Variants in GPC6 observed in about 807,000 individuals in gnomAD.
GPC6 encodes the protein glypican-6.
Under a neutral mutation model 55.2 loss-of-function variants are expected in GPC6, and 14 were observed. That is an observed-to-expected ratio of 0.25 (90% CI 0.17 to 0.40). The LOEUF (loss-of-function observed/expected upper bound fraction) is 0.40. GPC6 is among the 10% of genes least tolerant of loss of function. The probability of loss-of-function intolerance (pLI) is 1.00; values close to 1 mark genes in which losing one functional copy is unlikely to be tolerated. For synonymous variants in GPC6, 278 were observed against 259.6 expected (o/e 1.07, Z -0.68); for missense variants, 641 against 708.5 (o/e 0.90, Z 1.08).
At chr13:93,543,252 A>G (rs1402127701) in intron 1 of GPC6, among the ~76,000 whole-genome samples, 1 of 152,162 alleles carries the variant, frequency 6.6e-6, no homozygotes, top group African/African-American at 2.4e-5. Flanking sequence ...GAATTTTGTC[A>G]AAGGCCTTTT....
chr13:93,801,823 TC>T (rs1886381423), intron 2 of GPC6, among the ~76,000 whole-genome samples: 1 of 152,194 alleles, frequency 6.6e-6, no homozygotes. Context: ...CAGCTTCATT[TC>T]CCTGACTTCC....
chr13:94,083,436 A>G (rs1885179562), intron 4 of GPC6, among the ~76,000 whole-genome samples: 2 of 152,292 alleles, frequency 1.3e-5, no homozygotes, highest in South Asian at 2.1e-4. Flanking sequence ...CTTTTTTAAT[A>G]GCACTTATCT....
At chr13:94,049,455 C>G (rs1041058738) in intron 4 of GPC6, among the ~76,000 whole-genome samples, 1 of 152,008 alleles carries the variant, frequency 6.6e-6, no homozygotes, top group African/African-American at 2.4e-5. Flanking sequence ...CCTCAGATAC[C>G]TGGGACCTGG....
chr13:94,384,225 A>G (rs1880302738), intron 7 of GPC6, among the ~76,000 whole-genome samples: 1 of 152,274 alleles, frequency 6.6e-6, no homozygotes, highest in Non-Finnish European at 1.5e-5. Flanking sequence ...TAGTTATGAT[A>G]TTAACAACAT....
chr13:94,032,008 A>G (rs1208744501), intron 4 of GPC6, among the ~76,000 whole-genome samples: 17 of 152,190 alleles, frequency 1.1e-4, no homozygotes, highest in Admixed American at 1.1e-3. Context: ...TTTCTAAAAG[A>G]TGTTGCCAAT....
intron 1 of GPC6, among the ~76,000 whole-genome samples, chr13:93,241,934 G>A (rs1876444965): frequency 6.6e-6 from 1 of 151,800 alleles, no homozygotes; most frequent in African/African-American, 2.4e-5. Flanking sequence ...TAAGTTCCTT[G>A]GTTATACAGA....
rs547905348 is a variant in GPC6 at position 93,335,965 on chromosome 13, A to C, written c.160+108349A>C. ...CAAAACATATAATACAGTGCCTTGC[A>C]CTTAATGTGTGCTTACAAAATGTTA... is the stretch of plus-strand genomic sequence containing the variant. On this transcript the variant is annotated intron_variant, in intron 1 of 8. Coordinates refer to ENST00000377047, the MANE Select transcript of GPC6 (RefSeq NM_005708.5). Among the ~76,000 whole-genome samples, 11 of 152,358 alleles carry C rather than the reference A, an allele frequency of 7.2e-5. No individual in the cohort carries two copies. In the East Asian group the frequency reaches 2.1e-3, roughly 29 times the overall value.
intron 4 of GPC6, among the ~76,000 whole-genome samples, chr13:94,272,890 C>T (rs1892090297): frequency 1.3e-5 from 2 of 152,018 alleles, no homozygotes; most frequent in African/African-American, 2.4e-5. Flanking sequence ...CCACACATGC[C>T]CAGCCACATC....
chr13:93,548,724 A>G (rs562125366), intron 2 of GPC6, among the ~76,000 whole-genome samples: 8 of 152,228 alleles, frequency 5.3e-5, no homozygotes, highest in African/African-American at 1.9e-4. Context: ...CAACCTTCCT[A>G]AGTTTCTATG....
intron 4 of GPC6, among the ~76,000 whole-genome samples, chr13:94,120,232 C>T (rs936723471): frequency 7.9e-5 from 12 of 152,086 alleles, no homozygotes; most frequent in East Asian, 1.9e-4. Context: ...GTAGAAGGAT[C>T]GCAGTGCTGT....
chr13:94,330,115 A>T (rs537036408), intron 6 of GPC6, among the ~76,000 whole-genome samples: 2 of 152,196 alleles, frequency 1.3e-5, no homozygotes, highest in Admixed American at 6.5e-5. Flanking sequence ...ATCAGGACTG[A>T]TAACTCCCTG....
intron 1 of GPC6, among the ~76,000 whole-genome samples, chr13:93,327,375 C>T (rs180907008): frequency 2.6e-4 from 40 of 152,242 alleles, no homozygotes; most frequent in African/African-American, 8.4e-4. Context: ...GTCGAATATA[C>T]TGTATGAATA....
At chr13:93,441,868 C>A (rs1365634004) in intron 1 of GPC6, among the ~76,000 whole-genome samples, 1 of 152,092 alleles carries the variant, frequency 6.6e-6, no homozygotes, top group East Asian at 1.9e-4. Flanking sequence ...GACAGGGAGG[C>A]AATTTTAAGG....
intron 4 of GPC6, among the ~76,000 whole-genome samples, chr13:94,222,891 A>C (rs1336940658): frequency 6.6e-6 from 1 of 152,064 alleles, no homozygotes; most frequent in East Asian, 1.9e-4. Context: ...TCACCATCTT[A>C]GTTATTGCCA....
chr13:93,566,952 T>A (rs1876154730), intron 2 of GPC6, among the ~76,000 whole-genome samples: 1 of 152,176 alleles, frequency 6.6e-6, no homozygotes, highest in Non-Finnish European at 1.5e-5. Flanking sequence ...ATTTTCTTTA[T>A]CCAGTCTATC....
chr13:94,055,091 T>C (rs1369403959), intron 4 of GPC6, among the ~76,000 whole-genome samples: 2 of 152,174 alleles, frequency 1.3e-5, no homozygotes, highest in Non-Finnish European at 2.9e-5. Context: ...GTTTGGATAT[T>C]GTCGTCTGAC....
Position 94,270,964 on chromosome 13 carries a change from A to ATT in GPC6, c.878-15345_878-15344dup, listed in dbSNP as rs764819082. Among the ~76,000 whole-genome samples the ATT allele has an allele frequency of 3.8e-4, 19 of 49,672 alleles. 1 individual carries two copies. Among genetic ancestry groups the ATT allele is most frequent in the East Asian group, 6.5e-4 (1 of 1,536 alleles). 32.6% of individuals were successfully genotyped at this position (49,672 alleles called of 152,430 possible). Reference sequence around the variant, plus strand: ...AAAGGACCAGAGACAGAGAAGTATAATTTTTTTTTTTTTTTTTTTTTTTTT... The same window carrying ATT: ...AAAGGACCAGAGACAGAGAAGTATAATTTTTTTTTTTTTTTTTTTTTTTTTTT... On this transcript the variant is annotated intron_variant, in intron 4 of 8. Coordinates refer to ENST00000377047, the MANE Select transcript of GPC6 (RefSeq NM_005708.5).
intron 1 of GPC6, among the ~76,000 whole-genome samples, chr13:93,382,180 A>G (rs1205969066): frequency 1.3e-5 from 2 of 152,140 alleles, no homozygotes; most frequent in African/African-American, 4.8e-5. Flanking sequence ...TAGTGTTGCA[A>G]TCTAACTTGA....
intron 4 of GPC6, among the ~76,000 whole-genome samples, chr13:94,151,113 T>C (rs867048886): frequency 6.6e-6 from 1 of 151,982 alleles, no homozygotes. Context: ...GACACCAAGA[T>C]AAAGAGCATT....
Sources: gnomAD v4.1 joint callset for allele counts (sites outside exome capture counted in the v4.1 genomes callset) on GRCh38, gnomAD v4.1.1 for gene constraint, MANE v1.5 for transcripts, NCBI Gene and HGNC (gene_info 2026-07-23, HGNC 2026-07-21) for gene names.